The following MPRIP variants were observed in gnomAD, a reference collection of about 807,000 sequenced individuals.
MPRIP encodes the protein myosin phosphatase Rho-interacting protein.
In MPRIP, 59 loss-of-function variants were observed where a neutral mutation model predicts 234.9. That is an observed-to-expected ratio of 0.25 (90% confidence interval 0.20 to 0.31). The LOEUF is 0.31. MPRIP is among the 10% of genes least tolerant of loss of function. MPRIP has a pLI of 1.00. For synonymous variants in MPRIP, 1,144 were observed against 1,263.9 expected (o/e 0.91, Z 2.01); for missense variants, 2,436 against 3,071.0 (o/e 0.79, Z 4.89).
At chr17:17,115,404 T>TGG (rs1204126511) in intron 3 of MPRIP, among the ~76,000 whole-genome samples, 1 of 151,736 alleles carries the variant, frequency 6.6e-6, no homozygotes, top group Non-Finnish European at 1.5e-5. Flanking sequence ...TAGGGAGAGG[T>TGG]GGGGTGTAGA....
chr17:17,057,056 ACCT>A (rs910431608), intron 1 of MPRIP, among the ~76,000 whole-genome samples: 5 of 151,946 alleles, frequency 3.3e-5, no homozygotes, highest in Admixed American at 2.6e-4. Context: ...TTGTCTGAAC[ACCT>A]CCTTTCAGCG....
chr17:17,183,971 C>A (rs1005356361), intron 23 of MPRIP, among the ~76,000 whole-genome samples: 9 of 152,190 alleles, frequency 5.9e-5, no homozygotes, highest in African/African-American at 2.2e-4. Flanking sequence ...AGTGTGATGG[C>A]GACACTTAGC....
At chr17:17,153,550 C>G (rs376751663) in intron 12 of MPRIP, among the ~76,000 whole-genome samples, 2 of 151,650 alleles carry the variant, frequency 1.3e-5, no homozygotes, top group East Asian at 4.0e-4. Flanking sequence ...CTGCCCCGTT[C>G]CTCGCCCAAA....
At chr17:17,072,327 C>A (rs770355912) in intron 1 of MPRIP, among the ~76,000 whole-genome samples, 42 of 152,288 alleles carry the variant, frequency 2.8e-4, no homozygotes, top group Admixed American at 5.2e-4. Context: ...CACCACCCAC[C>A]CACTGCTGGC....
At chr17:17,098,271 A>T (rs1263016925) in intron 3 of MPRIP, among the ~76,000 whole-genome samples, 1 of 152,086 alleles carries the variant, frequency 6.6e-6, no homozygotes, top group Non-Finnish European at 1.5e-5. Context: ...TCCACCTCCA[A>T]GGCCCCTCAC....
At chr17:17,173,800 A>G in intron 18 of MPRIP, 116 bp from the exon 19 acceptor site, 1 of 1,223,508 alleles carries the variant, frequency 8.2e-7, no homozygotes, top group Non-Finnish European at 1.2e-6. Context: ...GATTAAGACA[A>G]CAGACTGTGT....
intron 3 of MPRIP, among the ~76,000 whole-genome samples, chr17:17,096,255 T>C (rs2089836650): frequency 7.0e-6 from 1 of 142,978 alleles, no homozygotes; most frequent in African/African-American, 2.7e-5. Context: ...CCTGTGTAGC[T>C]CTTTGTGCTT....
At chr17:17,106,760 A>G (rs540696899) in intron 3 of MPRIP, among the ~76,000 whole-genome samples, 4 of 152,350 alleles carry the variant, frequency 2.6e-5, no homozygotes, top group Non-Finnish European at 1.5e-5. Flanking sequence ...TAACTGACCA[A>G]CTACATTTTC....
chr17:17,171,982 A>T, intron 17 of MPRIP, 117 bp downstream of exon 17: 1 of 1,202,342 alleles, frequency 8.3e-7, no homozygotes, highest in Non-Finnish European at 1.2e-6. Context: ...TGTAAACTTC[A>T]TTGTTGAAGG....
At chr17:17,124,938 T>A (rs2090462234) in intron 3 of MPRIP, among the ~76,000 whole-genome samples, 1 of 152,200 alleles carries the variant, frequency 6.6e-6, no homozygotes, top group South Asian at 2.1e-4. Flanking sequence ...GGCCCACCTG[T>A]CCTGTGGCTG....
chr17:17,087,274 C>T (rs2089612705), intron 3 of MPRIP, among the ~76,000 whole-genome samples: 1 of 152,144 alleles, frequency 6.6e-6, no homozygotes, highest in African/African-American at 2.4e-5. Flanking sequence ...GGACAAGCAG[C>T]CGGGTCCCTG....
At chr17:17,125,050 T>A (rs2090464509) in intron 3 of MPRIP, among the ~76,000 whole-genome samples, 1 of 152,202 alleles carries the variant, frequency 6.6e-6, no homozygotes, top group Non-Finnish European at 1.5e-5. Context: ...GGCTGCCTCC[T>A]GTACCCTCTC....
At position 17,158,705 on chromosome 17, in the gene MPRIP, G is replaced by A. The variant is rs758540101; in HGVS notation, c.2103G>A (p.Arg701=). The A allele has an allele frequency of 3.1e-6, 5 of 1,609,772 alleles. No individual in the cohort carries two copies. The Admixed American group carries it at 8.3e-5, about 27-fold the overall frequency. Residue 701 remains arginine, a synonymous_variant, in exon 14 of 24, where the codon CGG becomes CGA. Transcript: ENST00000651222. ...AGGCGGAGCCTGGGGAGCTGGAGCGGGAGCGTGCACGGAGGCGGGAGGAGC... is the reference window on the plus strand; with the variant it reads ...AGGCGGAGCCTGGGGAGCTGGAGCGAGAGCGTGCACGGAGGCGGGAGGAGC... The part of the protein sequence containing the change: ...RPEAEPGELE[R]ERARRREERR...
chr17:17,117,308 A>G (rs936957081), intron 3 of MPRIP, among the ~76,000 whole-genome samples: 1 of 152,218 alleles, frequency 6.6e-6, no homozygotes, highest in South Asian at 2.1e-4. Context: ...CTTGTGACAG[A>G]AGGGGGTAGA....
At chr17:17,110,246 C>T (rs1393296255) in intron 3 of MPRIP, among the ~76,000 whole-genome samples, 1 of 152,088 alleles carries the variant, frequency 6.6e-6, no homozygotes, top group South Asian at 2.1e-4. Flanking sequence ...AGCACAAGGC[C>T]CTCCCCAGAT....
intron 18 of MPRIP, 159 bp from the exon 19 acceptor site, chr17:17,173,757 G>A: frequency 1.2e-6 from 1 of 837,330 alleles, no homozygotes. Context: ...GGCCATCTCT[G>A]TAAGGGATCC....
chr17:17,043,360 G>T (rs1413451578), intron 1 of MPRIP, among the ~76,000 whole-genome samples: 2 of 152,166 alleles, frequency 1.3e-5, no homozygotes, highest in Non-Finnish European at 2.9e-5. Flanking sequence ...TTGTTGGGGA[G>T]GACTGTGGGC....
At chr17:17,057,073 C>A (rs2088722473) in intron 1 of MPRIP, among the ~76,000 whole-genome samples, 1 of 152,186 alleles carries the variant, frequency 6.6e-6, no homozygotes, top group Non-Finnish European at 1.5e-5. Flanking sequence ...TTCAGCGGAC[C>A]CCAGGAGAGG....
At chr17:17,122,454 C>T (rs572309781) in intron 3 of MPRIP, among the ~76,000 whole-genome samples, 1 of 152,292 alleles carries the variant, frequency 6.6e-6, no homozygotes, top group African/African-American at 2.4e-5. Flanking sequence ...CCCGGGTTCA[C>T]GCCATTCTCC....
Sources: allele counts gnomAD v4.1 joint callset (sites outside exome capture counted in the v4.1 genomes callset), GRCh38; gene constraint gnomAD v4.1.1; transcripts MANE v1.5; gene names NCBI Gene and HGNC (gene_info 2026-07-23, HGNC 2026-07-21).